The following LSAMP variants were observed in gnomAD, a reference collection of about 807,000 sequenced individuals.
The protein encoded by LSAMP is limbic system-associated membrane protein.
Under a neutral mutation model 38.6 loss-of-function variants are expected in LSAMP, and 7 were observed. That is an observed-to-expected ratio of 0.18 (90% CI 0.10 to 0.34). The LOEUF (loss-of-function observed/expected upper bound fraction) is 0.34. Among genes scored for constraint, LSAMP ranks in the 10% least tolerant of loss-of-function variants. The probability of loss-of-function intolerance (pLI) is 1.00; values close to 1 mark genes in which losing one functional copy is unlikely to be tolerated. For synonymous variants in LSAMP, 154 were observed against 166.8 expected (o/e 0.92, Z 0.59); for missense variants, 313 against 420.0 (o/e 0.75, Z 2.23).
chr3:116,419,445 TA>T (rs2049093731), intron 1 of LSAMP, among the ~76,000 whole-genome samples: 1 of 152,320 alleles, frequency 6.6e-6, no homozygotes, highest in East Asian at 1.9e-4. Flanking sequence ...AGATTTTAAA[TA>T]ATACTGGTTT....
At chr3:115,900,852 G>A (rs1244386375) in intron 3 of LSAMP, among the ~76,000 whole-genome samples, 1 of 152,168 alleles carries the variant, frequency 6.6e-6, no homozygotes, top group Admixed American at 6.6e-5. Context: ...GAAAACAGCT[G>A]ATTTTGGTTC....
At chr3:116,317,901 T>A (rs1383739051) in intron 1 of LSAMP, among the ~76,000 whole-genome samples, 2 of 151,424 alleles carry the variant, frequency 1.3e-5, no homozygotes, top group African/African-American at 4.8e-5. Flanking sequence ...TTTGGGAGGC[T>A]GAGGTAGGCG....
At chr3:115,955,994 A>T (rs1423654256) in intron 3 of LSAMP, among the ~76,000 whole-genome samples, 1 of 152,138 alleles carries the variant, frequency 6.6e-6, no homozygotes, top group African/African-American at 2.4e-5. Flanking sequence ...ATTGCCAAGG[A>T]TAAAAACTTT....
chr3:116,399,583 T>A (rs1008905450), intron 1 of LSAMP, among the ~76,000 whole-genome samples: 4 of 152,158 alleles, frequency 2.6e-5, no homozygotes, highest in Non-Finnish European at 2.9e-5. Flanking sequence ...AAATTTCTGT[T>A]GACTGATGGG....
chr3:116,095,989 G>A (rs1708218135), intron 1 of LSAMP, among the ~76,000 whole-genome samples: 1 of 152,152 alleles, frequency 6.6e-6, no homozygotes, highest in African/African-American at 2.4e-5. Context: ...TCACATACTT[G>A]CTCTGTGGTT....
intron 2 of LSAMP, among the ~76,000 whole-genome samples, chr3:116,037,611 T>C (rs1941075282): frequency 6.6e-6 from 1 of 152,160 alleles, no homozygotes; most frequent in African/African-American, 2.4e-5. Context: ...ATTGGGTATA[T>C]ATGCTTAGAA....
intron 6 of LSAMP, among the ~76,000 whole-genome samples, chr3:115,825,736 C>T (rs1290956551): frequency 3.3e-5 from 5 of 151,884 alleles, no homozygotes; most frequent in South Asian, 2.1e-4. Context: ...TTGATGTATT[C>T]GTATAAGGTA....
At chr3:116,136,268 C>T (rs1461558607) in intron 1 of LSAMP, among the ~76,000 whole-genome samples, 2 of 152,134 alleles carry the variant, frequency 1.3e-5, no homozygotes, top group African/African-American at 4.8e-5. Flanking sequence ...TAGCTACTTT[C>T]TTAGCCACAT....
At chr3:116,164,376 C>T (rs1166924598) in intron 1 of LSAMP, among the ~76,000 whole-genome samples, 1 of 151,100 alleles carries the variant, frequency 6.6e-6, no homozygotes, top group African/African-American at 2.4e-5. Flanking sequence ...GTGCCAAATA[C>T]TAAATAAAAT....
chr3:116,304,065 C>T (rs2047449580), intron 1 of LSAMP, among the ~76,000 whole-genome samples: 1 of 152,066 alleles, frequency 6.6e-6, no homozygotes, highest in South Asian at 2.1e-4. Context: ...TGTATATTCT[C>T]TCATGTGCTA....
intron 3 of LSAMP, among the ~76,000 whole-genome samples, chr3:115,978,489 T>A (rs1229729222): frequency 2.0e-5 from 3 of 152,140 alleles, no homozygotes; most frequent in Non-Finnish European, 2.9e-5. Flanking sequence ...TTACTATGAA[T>A]GTTTGAATAA....
At chr3:116,368,001 C>T (rs957911309) in intron 1 of LSAMP, 3 of 152,196 alleles carry the variant, frequency 2.0e-5, no homozygotes, top group African/African-American at 7.2e-5. Context: ...CACAAACGAA[C>T]ATTCTCTTAA....
At chr3:116,380,468 G>A (rs1026216864) in intron 1 of LSAMP, among the ~76,000 whole-genome samples, 1 of 151,652 alleles carries the variant, frequency 6.6e-6, no homozygotes, top group Non-Finnish European at 1.5e-5. Flanking sequence ...TTGATAAATA[G>A]AAGTTCCATA....
chr3:115,841,735 C>T, intron 6 of LSAMP, 110 bp downstream of exon 6: 4 of 1,332,588 alleles, frequency 3.0e-6, no homozygotes, highest in Non-Finnish European at 4.1e-6. Flanking sequence ...TGCATATATC[C>T]TTATTTGTTT....
Position 115,914,352 on chromosome 3 carries a change from C to T in LSAMP, c.515-61735G>A, listed in dbSNP as rs566037698. Among the ~76,000 whole-genome samples the T allele has an allele frequency of 5.1e-4, 77 of 152,312 alleles. No homozygotes were observed. The Middle Eastern group carries it at 0.01, about 20-fold the overall frequency. ...CAATAGCTGATCAAATTTCTCATCC[C>T]GCACCACCTCAACCATAATATCTGT... is the stretch of plus-strand genomic sequence containing the variant. On this transcript the variant is annotated intron_variant, in intron 3 of 6. Coordinates refer to ENST00000490035, the MANE Select transcript of LSAMP (RefSeq NM_002338.5).
intron 1 of LSAMP, among the ~76,000 whole-genome samples, chr3:116,376,767 A>C (rs1189497989): frequency 1.3e-5 from 2 of 152,222 alleles, no homozygotes; most frequent in African/African-American, 4.8e-5. Flanking sequence ...GCACCTATAA[A>C]TGTTTATATA....
chr3:115,951,629 A>G lies in LSAMP; in HGVS notation c.514+67886T>C, dbSNP rs140093575. On this transcript the variant is annotated intron_variant, in intron 3 of 6. Coordinates refer to ENST00000490035, the MANE Select transcript of LSAMP (RefSeq NM_002338.5). ...AATCTAATCAGCTGCCAGTGTGGCC[A>G]GAATAAAAGCAGGCAGAGGAACGTG... Among the ~76,000 whole-genome samples, 614 of 152,282 alleles carry G rather than the reference A, an allele frequency of 4.0e-3. 7 individuals are homozygous for G. The highest frequency in any genetic ancestry group is 0.014 in the African/African-American group (571 of 41,554).
At chr3:116,343,217 T>C (rs2048020606) in intron 1 of LSAMP, among the ~76,000 whole-genome samples, 1 of 152,008 alleles carries the variant, frequency 6.6e-6, no homozygotes, top group Non-Finnish European at 1.5e-5. Flanking sequence ...GTTATCTTGC[T>C]CAGGGGAAAC....
chr3:115,986,490 G>A (rs1214767913), intron 3 of LSAMP, among the ~76,000 whole-genome samples: 2 of 152,096 alleles, frequency 1.3e-5, no homozygotes, highest in Non-Finnish European at 2.9e-5. Context: ...TATGCTTTTT[G>A]AATTTTTATT....
Sources: gnomAD v4.1 joint callset for allele counts (sites outside exome capture counted in the v4.1 genomes callset) on GRCh38, gnomAD v4.1.1 for gene constraint, MANE v1.5 for transcripts, NCBI Gene and HGNC (gene_info 2026-07-23, HGNC 2026-07-21) for gene names.